Variants in FMNL2 observed in about 807,000 individuals in gnomAD.
The protein encoded by FMNL2 is formin like 2.
In FMNL2, 51 loss-of-function variants were observed where a neutral mutation model predicts 130.2. The ratio of observed to expected loss-of-function variants is 0.39; its 90% CI spans 0.31 to 0.49. The LOEUF (loss-of-function observed/expected upper bound fraction) is 0.49, where lower values mean the gene tolerates loss of function less well. Among genes scored for constraint, FMNL2 ranks in the 20% least tolerant of loss-of-function variants. The pLI is 0.85. For synonymous variants in FMNL2, 465 were observed against 467.1 expected (o/e 1.00, Z 0.06); for missense variants, 977 against 1,316.2 (o/e 0.74, Z 3.99).
chr2:152,398,218 G>A (rs1156261829), intron 1 of FMNL2, among the ~76,000 whole-genome samples: 2 of 152,184 alleles, frequency 1.3e-5, no homozygotes, highest in East Asian at 3.8e-4. Flanking sequence ...CCCAGGCTAT[G>A]TTGCTGTCTA....
intron 9 of FMNL2, 134 bp downstream of exon 9, chr2:152,581,183 A>T (rs964136390): frequency 2.1e-5 from 14 of 681,802 alleles, no homozygotes; most frequent in Non-Finnish European, 3.2e-5. Context: ...TCTCACTGAG[A>T]GGAATGTAAT....
At chr2:152,611,925 C>G (rs1698705471) in intron 11 of FMNL2, among the ~76,000 whole-genome samples, 1 of 152,122 alleles carries the variant, frequency 6.6e-6, no homozygotes, top group South Asian at 2.1e-4. Context: ...TTCATCTGGG[C>G]TATTGGGCAA....
intron 1 of FMNL2, among the ~76,000 whole-genome samples, chr2:152,484,955 T>C (rs975881461): frequency 6.6e-6 from 1 of 152,216 alleles, no homozygotes; most frequent in African/African-American, 2.4e-5. Flanking sequence ...GTAGCTCTTG[T>C]ATATGAGACG....
At chr2:152,638,404 G>A (rs943124905) in intron 23 of FMNL2, among the ~76,000 whole-genome samples, 1 of 152,210 alleles carries the variant, frequency 6.6e-6, no homozygotes, top group African/African-American at 2.4e-5. Context: ...ACTGGTGGAG[G>A]TAGGAGGAAT....
chr2:152,409,205 T>G (rs1297957534), intron 1 of FMNL2, among the ~76,000 whole-genome samples: 1 of 152,188 alleles, frequency 6.6e-6, no homozygotes, highest in African/African-American at 2.4e-5. Context: ...TCCAAATGAT[T>G]AGCTCAAATC....
intron 2 of FMNL2, among the ~76,000 whole-genome samples, chr2:152,536,194 G>A (rs2678298): frequency 0.12 from 18,988 of 152,214 alleles, 1,894 homozygotes; most frequent in African/African-American, 0.24. Flanking sequence ...GGCCTCTTCC[G>A]TGTTGGATAA....
intron 1 of FMNL2, among the ~76,000 whole-genome samples, chr2:152,339,582 C>G (rs538559100): frequency 3.0e-4 from 46 of 152,288 alleles, no homozygotes; most frequent in Middle Eastern, 3.4e-3. Flanking sequence ...AAGTCTGTGT[C>G]TTAGCTGCTG....
At chr2:152,345,240 GATA>G (rs1682047864) in intron 1 of FMNL2, among the ~76,000 whole-genome samples, 3 of 152,184 alleles carry the variant, frequency 2.0e-5, no homozygotes, top group Admixed American at 2.0e-4. Context: ...AATAGTAAAG[GATA>G]ATAATAGTTT....
intron 1 of FMNL2, among the ~76,000 whole-genome samples, chr2:152,475,515 G>A (rs1690099536): frequency 6.7e-6 from 1 of 150,178 alleles, no homozygotes; most frequent in Admixed American, 6.6e-5. Flanking sequence ...TTTTGTTTGA[G>A]ACAGAGTCTT....
intron 4 of FMNL2, among the ~76,000 whole-genome samples, chr2:152,557,035 A>G (rs958806717): frequency 2.6e-5 from 4 of 152,176 alleles, no homozygotes; most frequent in Non-Finnish European, 5.9e-5. Context: ...TCAGATTTTG[A>G]TATTGAGTTC....
At chr2:152,633,374 G>A (rs1682315681) in intron 21 of FMNL2, among the ~76,000 whole-genome samples, 1 of 152,188 alleles carries the variant, frequency 6.6e-6, no homozygotes, top group Non-Finnish European at 1.5e-5. Context: ...GGGAGTACAG[G>A]TGTGAGTTAC....
intron 24 of FMNL2, 150 bp from the exon 25 acceptor site, chr2:152,640,641 G>C (rs916613645): frequency 1.8e-5 from 18 of 988,392 alleles, no homozygotes; most frequent in Non-Finnish European, 2.3e-5. Context: ...CCAGAAGCTT[G>C]AGTTCTCTGC....
intron 25 of FMNL2, 65 bp downstream of exon 25, chr2:152,640,979 T>A: frequency 1.9e-6 from 3 of 1,593,818 alleles, no homozygotes; most frequent in Non-Finnish European, 2.6e-6. Context: ...CTGGGATGCA[T>A]GCAGATTTTG....
At chr2:152,587,024 A>G (rs1048998034) in intron 9 of FMNL2, among the ~76,000 whole-genome samples, 2 of 152,144 alleles carry the variant, frequency 1.3e-5, no homozygotes, top group African/African-American at 4.8e-5. Context: ...TTTTTGAGCT[A>G]TGATACCTCT....
intron 1 of FMNL2, among the ~76,000 whole-genome samples, chr2:152,450,031 G>C (rs181056940): frequency 1.7e-3 from 254 of 152,048 alleles, no homozygotes; most frequent in Non-Finnish European, 2.6e-3. Context: ...TGTAACAACG[G>C]CTCCTTCTGT....
chr2:152,475,137 T>C (rs1236663466), intron 1 of FMNL2, among the ~76,000 whole-genome samples: 1 of 152,230 alleles, frequency 6.6e-6, no homozygotes, highest in Non-Finnish European at 1.5e-5. Context: ...AAAACCATTA[T>C]TGGAAACTGG....
At chr2:152,524,607 T>G (rs1391843441) in intron 2 of FMNL2, among the ~76,000 whole-genome samples, 2 of 152,170 alleles carry the variant, frequency 1.3e-5, no homozygotes, top group African/African-American at 4.8e-5. Context: ...AAATGTCAGG[T>G]TTCTTTGATA....
intron 1 of FMNL2, among the ~76,000 whole-genome samples, chr2:152,341,926 G>C (rs896881179): frequency 1.3e-5 from 2 of 152,196 alleles, no homozygotes; most frequent in African/African-American, 2.4e-5. Context: ...TGATTGGAAG[G>C]CCCTTTGCAG....
chr2:152,352,125 G>A (rs145142626), intron 1 of FMNL2, among the ~76,000 whole-genome samples: 1 of 152,278 alleles, frequency 6.6e-6, no homozygotes, highest in African/African-American at 2.4e-5. Context: ...TTGCCAGTAG[G>A]TTTACACAAT....
Sources: allele counts gnomAD v4.1 joint callset (sites outside exome capture counted in the v4.1 genomes callset), GRCh38; gene constraint gnomAD v4.1.1; transcripts MANE v1.5; gene names NCBI Gene and HGNC (gene_info 2026-07-23, HGNC 2026-07-21).